RSRC1: variants seen among roughly 807,000 people sequenced by gnomAD.
RSRC1 encodes serine/Arginine-related protein 53.
Under a neutral mutation model 49.1 loss-of-function variants are expected in RSRC1, and 39 were observed. The observed-to-expected ratio is 0.79, with a 90% CI of 0.61 to 1.04. The LOEUF is 1.04. Ranked by LOEUF, RSRC1 falls within the 50% of genes least tolerant of loss-of-function variation. The probability of loss-of-function intolerance (pLI) is 0.00; values close to 1 mark genes in which losing one functional copy is unlikely to be tolerated. For synonymous variants in RSRC1, 143 were observed against 130.8 expected, an observed-to-expected ratio of 1.09 and a Z score of -0.63; for missense variants, 388 against 402.4, an observed-to-expected ratio of 0.96 and a Z score of 0.31.
At chr3:158,207,670 GAGAC>G (rs910169181) in intron 4 of RSRC1, among the ~76,000 whole-genome samples, 119 of 67,184 alleles carry the variant, frequency 1.8e-3, no homozygotes, top group African/African-American at 5.9e-3. Flanking sequence ...GATAGACAGA[GAGAC>G]AGACAGACAG....
intron 4 of RSRC1, among the ~76,000 whole-genome samples, chr3:158,234,007 A>G (rs1051840917): frequency 6.6e-6 from 1 of 152,172 alleles, no homozygotes; most frequent in Non-Finnish European, 1.5e-5. Flanking sequence ...CAAGCTGTAC[A>G]CTTGTAAGGA....
intron 4 of RSRC1, among the ~76,000 whole-genome samples, chr3:158,244,066 G>A (rs1723748921): frequency 6.6e-6 from 1 of 150,692 alleles, no homozygotes; most frequent in African/African-American, 2.4e-5. Flanking sequence ...TACACCATCT[G>A]CAAGCAAAGA....
chr3:158,317,173 T>G (rs943574498), intron 5 of RSRC1, among the ~76,000 whole-genome samples: 5 of 152,204 alleles, frequency 3.3e-5, no homozygotes, highest in Non-Finnish European at 7.3e-5. Flanking sequence ...TTGCACTGAA[T>G]TGCTTGATAA....
intron 4 of RSRC1, among the ~76,000 whole-genome samples, chr3:158,283,396 C>A (rs1016094148): frequency 6.6e-6 from 1 of 152,002 alleles, no homozygotes; most frequent in African/African-American, 2.4e-5. Flanking sequence ...CATAATCCCA[C>A]TGTCAAATAC....
chr3:158,192,209 G>T (rs1391145005), intron 3 of RSRC1, among the ~76,000 whole-genome samples: 1 of 152,014 alleles, frequency 6.6e-6, no homozygotes, highest in Non-Finnish European at 1.5e-5. Context: ...TGTGCATACT[G>T]TGCATACTGT....
chr3:158,426,482 A>AT (rs2108348915), intron 6 of RSRC1, among the ~76,000 whole-genome samples: 1 of 151,740 alleles, frequency 6.6e-6, no homozygotes, highest in African/African-American at 2.4e-5. Context: ...AACCGCATGT[A>AT]TTTTAAAAAG....
chr3:158,392,721 C>T (rs1224226617), intron 6 of RSRC1, among the ~76,000 whole-genome samples: 1 of 151,956 alleles, frequency 6.6e-6, no homozygotes, highest in Non-Finnish European at 1.5e-5. Flanking sequence ...TAATCACACA[C>T]TAATAGTGGA....
At chr3:158,112,947 C>T (rs1254565008) in intron 1 of RSRC1, among the ~76,000 whole-genome samples, 1 of 152,176 alleles carries the variant, frequency 6.6e-6, no homozygotes, top group East Asian at 1.9e-4. Flanking sequence ...CTTCCAGCTC[C>T]ATCCATGTCC....
chr3:158,257,653 AATAG>A (rs1724643261), intron 4 of RSRC1, among the ~76,000 whole-genome samples: 1 of 152,250 alleles, frequency 6.6e-6, no homozygotes, highest in Non-Finnish European at 1.5e-5. Flanking sequence ...TTTATTGATA[AATAG>A]ATACTTACTC....
intron 7 of RSRC1, among the ~76,000 whole-genome samples, chr3:158,527,611 T>C (rs1712120767): frequency 6.6e-6 from 1 of 151,970 alleles, no homozygotes; most frequent in South Asian, 2.1e-4. Flanking sequence ...AACACACCTT[T>C]AGATAAGTGG....
At chr3:158,445,498 A>C (rs936340856) in intron 6 of RSRC1, among the ~76,000 whole-genome samples, 11 of 150,942 alleles carry the variant, frequency 7.3e-5, no homozygotes, top group Middle Eastern at 3.4e-3. Flanking sequence ...ACACCGGGGC[A>C]TGTCGTGGGG....
intron 6 of RSRC1, among the ~76,000 whole-genome samples, chr3:158,446,968 C>T (rs533767792): frequency 2.0e-5 from 3 of 151,994 alleles, no homozygotes; most frequent in East Asian, 1.9e-4. Flanking sequence ...TGTCATCCAA[C>T]GAAACTTGCA....
chr3:158,319,470 A>G (rs928719043), intron 5 of RSRC1, among the ~76,000 whole-genome samples: 1 of 152,152 alleles, frequency 6.6e-6, no homozygotes, highest in Non-Finnish European at 1.5e-5. Context: ...GTGAAAATGG[A>G]CTAATACAAT....
intron 7 of RSRC1, among the ~76,000 whole-genome samples, chr3:158,527,401 C>T (rs939003843): frequency 6.6e-6 from 1 of 151,656 alleles, no homozygotes; most frequent in Admixed American, 6.6e-5. Flanking sequence ...ATAGGAGTGA[C>T]CCTAATCAAT....
chr3:158,245,004 G>GTTTTT (rs3052859), intron 4 of RSRC1, among the ~76,000 whole-genome samples: 7 of 128,930 alleles, frequency 5.4e-5, no homozygotes, highest in Admixed American at 8.1e-5. Flanking sequence ...TTTTTCAAAG[G>GTTTTT]TTTTTTTTTT....
At chr3:158,340,189 C>T (rs1730149146) in intron 5 of RSRC1, among the ~76,000 whole-genome samples, 1 of 152,104 alleles carries the variant, frequency 6.6e-6, no homozygotes, top group South Asian at 2.1e-4. Context: ...GTGAATAAGT[C>T]TCACGAGATC....
intron 7 of RSRC1, among the ~76,000 whole-genome samples, chr3:158,496,406 G>C (rs1739323049): frequency 6.6e-6 from 1 of 152,116 alleles, no homozygotes; most frequent in African/African-American, 2.4e-5. Context: ...GTACACCCAG[G>C]TGATGCCGAT....
At chr3:158,356,190 T>C (rs940229927) in intron 6 of RSRC1, among the ~76,000 whole-genome samples, 1 of 151,992 alleles carries the variant, frequency 6.6e-6, no homozygotes, top group African/African-American at 2.4e-5. Flanking sequence ...TCTTAAAATT[T>C]TTTACTATAA....
At chr3:158,464,157 C>T (rs1737759353) in intron 7 of RSRC1, among the ~76,000 whole-genome samples, 1 of 152,100 alleles carries the variant, frequency 6.6e-6, no homozygotes. Flanking sequence ...AATGTTCTAA[C>T]TATACTTTTA....
Sources: allele counts gnomAD v4.1 joint callset (sites outside exome capture counted in the v4.1 genomes callset), GRCh38; gene constraint gnomAD v4.1.1; transcripts MANE v1.5; gene names NCBI Gene and HGNC (gene_info 2026-07-23, HGNC 2026-07-21).